Variants in PI4KA observed in about 807,000 individuals in gnomAD.
PI4KA encodes phosphatidylinositol 4-kinase alpha, also known as PI4-kinase alpha.
Under a neutral mutation model 271.4 loss-of-function variants are expected in PI4KA, and 122 were observed. The ratio of observed to expected loss-of-function variants is 0.45; its 90% confidence interval spans 0.39 to 0.52. The LOEUF is 0.52. Ranked by LOEUF, PI4KA falls within the 20% of genes least tolerant of loss-of-function variation. The pLI, the probability that PI4KA is intolerant of heterozygous loss-of-function variation, is 0.00. For missense variants in PI4KA, 1,969 were observed against 2,769.1 expected (o/e 0.71, Z 6.48); for synonymous variants, 1,041 against 1,078.8 (o/e 0.96, Z 0.69).
At chr22:20,814,585 A>G (rs189104560) in intron 7 of PI4KA, among the ~76,000 whole-genome samples, 70 of 152,074 alleles carry the variant, frequency 4.6e-4, no homozygotes, top group African/African-American at 1.5e-3. Context: ...TCCTGTCTCT[A>G]CAAAAAATAA....
intron 25 of PI4KA, 46 bp from the exon 26 acceptor site, chr22:20,751,801 GA>G: frequency 6.4e-7 from 1 of 1,557,140 alleles, no homozygotes; most frequent in Non-Finnish European, 8.8e-7. Flanking sequence ...AACCTCCAAG[GA>G]AGGTCTGCTT....
intron 22 of PI4KA, among the ~76,000 whole-genome samples, chr22:20,762,248 A>G (rs1279237110): frequency 2.0e-5 from 3 of 152,178 alleles, no homozygotes; most frequent in African/African-American, 7.2e-5. Flanking sequence ...CAACCTGTCA[A>G]GAGTTAAGCC....
At chr22:20,838,463 C>T in intron 2 of PI4KA, 152 bp downstream of exon 2, 1 of 504,470 alleles carries the variant, frequency 2.0e-6, no homozygotes, top group Admixed American at 3.7e-5. Flanking sequence ...AGTTTCATTC[C>T]CACCTTGTCC....
At chr22:20,768,884 C>T (rs1330287005) in intron 19 of PI4KA, among the ~76,000 whole-genome samples, 3 of 152,214 alleles carry the variant, frequency 2.0e-5, no homozygotes, top group Non-Finnish European at 4.4e-5. Context: ...TGACAAGGGG[C>T]TTCCAGTTCA....
intron 7 of PI4KA, among the ~76,000 whole-genome samples, chr22:20,814,564 A>G (rs1921511071): frequency 6.6e-6 from 1 of 151,862 alleles, no homozygotes; most frequent in Non-Finnish European, 1.5e-5. Flanking sequence ...AGCCTGGGCA[A>G]TATAGGGAGA....
intron 32 of PI4KA, among the ~76,000 whole-genome samples, chr22:20,738,651 G>A (rs1208627259): frequency 6.6e-6 from 1 of 152,156 alleles, no homozygotes; most frequent in Non-Finnish European, 1.5e-5. Flanking sequence ...GTGAGTGTGA[G>A]TGGGTGGAGA....
intron 19 of PI4KA, among the ~76,000 whole-genome samples, chr22:20,792,342 T>C (rs1934697523): frequency 6.6e-6 from 1 of 152,152 alleles, no homozygotes; most frequent in Non-Finnish European, 1.5e-5. Flanking sequence ...TCTCTGTGCC[T>C]GCAATGCCAC....
chr22:20,739,173 G>A (rs527298415), intron 32 of PI4KA, among the ~76,000 whole-genome samples: 25 of 150,294 alleles, frequency 1.7e-4, no homozygotes, highest in African/African-American at 5.2e-4. Flanking sequence ...GTGAAACCCC[G>A]TCTCTACTAA....
Position 20,722,992 on chromosome 22 carries a change from T to G in PI4KA, c.4996-1574A>C, listed in dbSNP as rs1416024599. 4.0e-5 allele frequency among the ~76,000 whole-genome samples: 6 copies of G among 149,482 alleles called. No homozygotes were observed. In the East Asian group the frequency reaches 1.2e-3, roughly 29 times the overall value. ...CATATCTGTCAGTTCCATCCTGATCTCTCCCTCTTTGGCCATTTTTATTAA... is the reference window on the plus strand; with the variant it reads ...CATATCTGTCAGTTCCATCCTGATCGCTCCCTCTTTGGCCATTTTTATTAA... On this transcript the variant is annotated intron_variant, in intron 42 of 54. Transcript: ENST00000255882.
intron 2 of PI4KA, among the ~76,000 whole-genome samples, chr22:20,836,444 C>T (rs1197471146): frequency 6.6e-6 from 1 of 152,222 alleles, no homozygotes. Flanking sequence ...AGTGTACAGA[C>T]AGGAACAAAA....
chr22:20,779,621 G>T (rs781313741), intron 19 of PI4KA: 5 of 1,614,084 alleles, frequency 3.1e-6, no homozygotes, highest in African/African-American at 1.3e-5. Context: ...CAGTTTCCCC[G>T]ACAGACTCTG....
intron 23 of PI4KA, among the ~76,000 whole-genome samples, chr22:20,754,818 T>C (rs2192802): frequency 0.56 from 84,629 of 152,026 alleles, 25,676 homozygotes; most frequent in African/African-American, 0.81. Context: ...CATGGTAGCG[T>C]GCCACTGTAA....
At chr22:20,810,827 G>GC in intron 9 of PI4KA, 140 bp downstream of exon 9, 1 of 717,494 alleles carries the variant, frequency 1.4e-6, no homozygotes, top group Non-Finnish European at 2.5e-6. Context: ...CGCGGCAGGT[G>GC]GATTGTTACC....
intron 1 of PI4KA, among the ~76,000 whole-genome samples, chr22:20,856,437 CT>C (rs362093): frequency 0.49 from 66,570 of 136,744 alleles, 16,416 homozygotes; most frequent in African/African-American, 0.69. Context: ...TAATCTTTTT[CT>C]TTTTTTTTTT....
chr22:20,822,890 A>G (rs532093521), intron 4 of PI4KA, among the ~76,000 whole-genome samples: 92 of 152,272 alleles, frequency 6.0e-4, no homozygotes, highest in African/African-American at 2.0e-3. Flanking sequence ...AATCTACAAA[A>G]GCTTGAAAAG....
At chr22:20,858,418 T>C (rs1239702206) in intron 1 of PI4KA, among the ~76,000 whole-genome samples, 152 bp downstream of exon 1, 6 of 150,544 alleles carry the variant, frequency 4.0e-5, no homozygotes, top group African/African-American at 7.4e-5. Flanking sequence ...AGGGCCTCCT[T>C]CCCCCGCTAG....
chr22:20,793,126 A>C (rs1047729694), intron 19 of PI4KA, 67 bp downstream of exon 19: 2 of 948,076 alleles, frequency 2.1e-6, no homozygotes, highest in African/African-American at 3.2e-5. Context: ...ACTGTGCGTC[A>C]CCAGGCAACA....
intron 42 of PI4KA, among the ~76,000 whole-genome samples, chr22:20,723,919 A>C (rs1390205439): frequency 2.0e-5 from 3 of 151,820 alleles, no homozygotes; most frequent in Non-Finnish European, 4.4e-5. Flanking sequence ...GCTCACTGCA[A>C]GCTCTGCCTC....
intron 10 of PI4KA, among the ~76,000 whole-genome samples, chr22:20,805,407 C>G (rs1935593978): frequency 6.6e-6 from 1 of 152,170 alleles, no homozygotes; most frequent in Non-Finnish European, 1.5e-5. Context: ...GATGTTACAG[C>G]CATGCTTTGT....
Sources: allele counts gnomAD v4.1 joint callset (sites outside exome capture counted in the v4.1 genomes callset), GRCh38; gene constraint gnomAD v4.1.1; transcripts MANE v1.5; gene names NCBI Gene and HGNC (gene_info 2026-07-23, HGNC 2026-07-21).